Variants in SUGCT observed in about 807,000 individuals in gnomAD.
SUGCT encodes the protein succinyl-CoA:glutarate-CoA transferase.
Under a neutral mutation model 55.0 loss-of-function variants are expected in SUGCT, and 41 were observed. That is an observed-to-expected ratio of 0.74 (90% confidence interval 0.58 to 0.97). The LOEUF is 0.97. Among genes scored for constraint, SUGCT ranks in the 50% least tolerant of loss-of-function variants. SUGCT has a pLI of 0.00. For missense variants in SUGCT, 568 were observed against 547.8 expected (o/e 1.04, Z -0.37); for synonymous variants, 187 against 200.4 (o/e 0.93, Z 0.56).
At chr7:40,237,504 GAATGGT>G in intron 6 of SUGCT, 125 bp from the exon 7 acceptor site, 1 of 709,022 alleles carries the variant, frequency 1.4e-6, no homozygotes, top group South Asian at 1.7e-5. Flanking sequence ...CTTCTTCAAG[GAATGGT>G]ATAGATCTAA....
chr7:40,857,878 T>G lies in SUGCT; in HGVS notation c.1154-2438T>G, dbSNP rs118005470. Among the ~76,000 whole-genome samples, 265 of 152,286 alleles carry G rather than the reference T, an allele frequency of 1.7e-3. 1 individual carries two copies. The highest frequency in any genetic ancestry group is 6.4e-3 in the Admixed American group (98 of 15,304). The stretch of plus-strand genomic sequence containing the variant: ...TGCTTGATCACTTTAAAATGGTTAA[T>G]TTTATGTTATGTTAAGTTTTATCTC... On this transcript the variant is annotated intron_variant, in intron 13 of 13. Coordinates refer to ENST00000335693, the MANE Select transcript of SUGCT (RefSeq NM_001193313.2).
chr7:40,153,453 A>G, intron 1 of SUGCT: 1 of 365,034 alleles, frequency 2.7e-6, no homozygotes, highest in Non-Finnish European at 5.4e-6. Flanking sequence ...TAATGAAATC[A>G]CTGTGGGCAT....
chr7:40,563,351 G>T (rs998148181), intron 12 of SUGCT, among the ~76,000 whole-genome samples: 3 of 152,134 alleles, frequency 2.0e-5, no homozygotes, highest in Non-Finnish European at 4.4e-5. Flanking sequence ...GTTCTTAGAA[G>T]GGTTTGACAG....
chr7:40,167,779 GC>G (rs1203530887), intron 1 of SUGCT, among the ~76,000 whole-genome samples: 1 of 152,180 alleles, frequency 6.6e-6, no homozygotes, highest in African/African-American at 2.4e-5. Context: ...CGGACACCCT[GC>G]CAGATCTGGA....
At position 40,135,038 on chromosome 7, in the gene SUGCT, G is replaced by A. The variant is rs2150563188; in HGVS notation, c.18G>A (p.Ala6=). The A allele has an allele frequency of 6.4e-7, 1 of 1,562,178 alleles. No individual in the cohort carries two copies. The highest frequency in any genetic ancestry group is 8.7e-7 in the Non-Finnish European group (1 of 1,154,830). ...CGCACGCGATGCTGGCGACGCTGGC[G>A]AGGGTGGCAGCTCTGCGCAGAACCT... The part of the protein sequence containing the change: MLATL[A]RVAALRRTCL... The change falls in exon 1 of 14, where the codon GCG becomes GCA. Residue 6 remains alanine, a synonymous_variant. Transcript: ENST00000335693.
At chr7:40,148,694 A>T (rs1365766502) in intron 1 of SUGCT, among the ~76,000 whole-genome samples, 1 of 152,158 alleles carries the variant, frequency 6.6e-6, no homozygotes, top group Non-Finnish European at 1.5e-5. Context: ...ACCCAAACCC[A>T]TGATGAGGTT....
chr7:40,723,389 TTCTC>T (rs1432720342), intron 12 of SUGCT, among the ~76,000 whole-genome samples: 2 of 152,190 alleles, frequency 1.3e-5, no homozygotes, highest in Non-Finnish European at 2.9e-5. Context: ...GTTCTTCTCT[TTCTC>T]CGTATCTTTC....
At chr7:40,994,817 C>T in the SUGCT span, among the ~76,000 whole-genome samples, 8 of 152,240 alleles carry the variant, frequency 5.3e-5, no homozygotes, top group East Asian at 1.2e-3. Flanking sequence ...TCTGAGTTCA[C>T]GCCAGATCTG....
At chr7:40,140,264 A>C (rs976998907) in intron 1 of SUGCT, among the ~76,000 whole-genome samples, 8 of 152,078 alleles carry the variant, frequency 5.3e-5, no homozygotes, top group African/African-American at 1.9e-4. Flanking sequence ...GCATATGGCA[A>C]TCCAATTTTC....
At chr7:40,389,586 GT>G (rs1454372964) in intron 9 of SUGCT, among the ~76,000 whole-genome samples, 2 of 152,172 alleles carry the variant, frequency 1.3e-5, no homozygotes, top group African/African-American at 4.8e-5. Flanking sequence ...CCCTGTGTCA[GT>G]TTATATCCTA....
intron 8 of SUGCT, among the ~76,000 whole-genome samples, chr7:40,304,276 A>G (rs1307652054): frequency 2.0e-5 from 3 of 152,194 alleles, no homozygotes; most frequent in East Asian, 3.9e-4. Flanking sequence ...TGTAGAAGTT[A>G]GAAGGAAGTA....
At chr7:40,624,792 C>T (rs959034752) in intron 12 of SUGCT, among the ~76,000 whole-genome samples, 13 of 146,254 alleles carry the variant, frequency 8.9e-5, no homozygotes, top group African/African-American at 3.2e-4. Flanking sequence ...CACACACACA[C>T]ACACACACAC....
In SUGCT at chr7:40,397,062, A is replaced by G. The variant is rs571144372; in HGVS notation, c.817-52225A>G. On this transcript the variant is annotated intron_variant, in intron 9 of 13. Transcript: ENST00000335693. ...CCACCAGAGTCATTAATGTCATGCC[A>G]CTTTTAAGAGTTGAAAACTCTGATG... Among the ~76,000 whole-genome samples the G allele has an allele frequency of 4.6e-5, 7 of 152,334 alleles. 1 individual carries two copies. The Middle Eastern group carries it at 0.014, about 296-fold the overall frequency.
chr7:40,866,936 G>A, the SUGCT span, among the ~76,000 whole-genome samples: 9 of 151,836 alleles, frequency 5.9e-5, no homozygotes, highest in Admixed American at 3.9e-4. Flanking sequence ...GTAGCTTGGT[G>A]GGTCTCTGTG....
At chr7:40,313,997 T>C (rs998825139) in intron 8 of SUGCT, among the ~76,000 whole-genome samples, 2 of 152,150 alleles carry the variant, frequency 1.3e-5, no homozygotes, top group Admixed American at 1.3e-4. Context: ...TAACTACCAC[T>C]GTATGGAGGA....
intron 12 of SUGCT, among the ~76,000 whole-genome samples, chr7:40,547,424 T>C (rs570798385): frequency 1.3e-5 from 2 of 152,344 alleles, no homozygotes; most frequent in East Asian, 1.9e-4. Context: ...TAAAAACTTA[T>C]AATGGCTATG....
At chr7:40,351,343 T>C (rs1056775376) in intron 9 of SUGCT, among the ~76,000 whole-genome samples, 7 of 152,110 alleles carry the variant, frequency 4.6e-5, no homozygotes, top group African/African-American at 1.4e-4. Context: ...TCTTAAAATC[T>C]AAAAATGGAT....
At chr7:40,527,122 C>G (rs1253564397) in intron 12 of SUGCT, among the ~76,000 whole-genome samples, 1 of 152,208 alleles carries the variant, frequency 6.6e-6, no homozygotes, top group Admixed American at 6.5e-5. Context: ...ACTTGGAACT[C>G]TAGCTTACAT....
At chr7:40,351,601 T>C (rs2151199756) in intron 9 of SUGCT, among the ~76,000 whole-genome samples, 1 of 152,310 alleles carries the variant, frequency 6.6e-6, no homozygotes, top group African/African-American at 2.4e-5. Context: ...TGATCAGAGT[T>C]CCACATAATG....
Sources: gnomAD v4.1 joint callset for allele counts (sites outside exome capture counted in the v4.1 genomes callset) on GRCh38, gnomAD v4.1.1 for gene constraint, MANE v1.5 for transcripts, NCBI Gene and HGNC (gene_info 2026-07-23, HGNC 2026-07-21) for gene names.